FRAS1: variants seen among roughly 807,000 people sequenced by gnomAD.
FRAS1 encodes extracellular matrix organizing protein FRAS1.
A neutral mutation model predicts 435.2 loss-of-function variants in FRAS1; 290 were observed. The observed-to-expected ratio is 0.67, with a 90% confidence interval of 0.61 to 0.73. FRAS1 has a LOEUF of 0.73. Ranked by LOEUF, FRAS1 falls within the 30% of genes least tolerant of loss-of-function variation. The pLI is 0.00. For missense variants in FRAS1, 4,860 were observed against 5,001.5 expected, an observed-to-expected ratio of 0.97 and a Z score of 0.85; for synonymous variants, 1,800 against 1,851.0, an observed-to-expected ratio of 0.97 and a Z score of 0.71.
intron 49 of FRAS1, among the ~76,000 whole-genome samples, chr4:78,465,424 C>G (rs1235755991): frequency 6.6e-6 from 1 of 152,212 alleles, no homozygotes; most frequent in African/African-American, 2.4e-5. Context: ...GATAGATATG[C>G]TGCTTTAGAG....
At chr4:78,264,241 G>C (rs1726245668) in intron 6 of FRAS1, among the ~76,000 whole-genome samples, 1 of 152,182 alleles carries the variant, frequency 6.6e-6, no homozygotes, top group African/African-American at 2.4e-5. Context: ...ATTCTTCTTA[G>C]GGCAGCAGAG....
Position 78,534,626 on chromosome 4 carries a change from T to C in FRAS1, c.11092+11T>C, listed in dbSNP as rs1721824338. The C allele has an allele frequency of 1.2e-6, 2 of 1,610,894 alleles. No individual in the cohort carries two copies. The highest frequency in any genetic ancestry group is 4.5e-5 in the East Asian group (2 of 44,786). ...GAGCCTTTTCAAAAGGTGAGTTGCT[T>C]CCTCCACCTGCAGAAAGAGGCTCTG... On this transcript the variant is annotated intron_variant, in intron 71 of 73. Coordinates refer to ENST00000512123, the MANE Select transcript of FRAS1 (RefSeq NM_025074.7).
intron 3 of FRAS1, among the ~76,000 whole-genome samples, chr4:78,239,740 C>G (rs553517542): frequency 6.6e-6 from 1 of 152,242 alleles, no homozygotes; most frequent in East Asian, 1.9e-4. Flanking sequence ...GAGGGAACAG[C>G]AAAGTGCAAA....
At chr4:78,302,701 T>C (rs1264520066) in intron 14 of FRAS1, among the ~76,000 whole-genome samples, 4 of 137,052 alleles carry the variant, frequency 2.9e-5, no homozygotes, top group East Asian at 7.7e-4. Flanking sequence ...TTGATGGGGT[T>C]GTTTGTTTTT....
At chr4:78,505,425 C>A (rs536234496) in intron 61 of FRAS1, among the ~76,000 whole-genome samples, 7 of 152,116 alleles carry the variant, frequency 4.6e-5, no homozygotes, top group Non-Finnish European at 7.4e-5. Flanking sequence ...TTATTCATTT[C>A]TTTTTATTCT....
At chr4:78,507,359 A>C in intron 61 of FRAS1, 62 bp from the exon 62 acceptor site, 1 of 1,413,064 alleles carries the variant, frequency 7.1e-7, no homozygotes, top group Non-Finnish European at 9.6e-7. Context: ...GCCAAGCTGC[A>C]CTCTCTTGGG....
At chr4:78,277,037 A>G (rs10013117) in intron 9 of FRAS1, among the ~76,000 whole-genome samples, 146,304 of 152,172 alleles carry the variant, frequency 0.96, 70,577 homozygotes, top group East Asian at 1. Flanking sequence ...CCCCAGCCTC[A>G]CTGCCACCTT....
At chr4:78,125,048 T>C (rs921069389) in intron 2 of FRAS1, among the ~76,000 whole-genome samples, 1 of 152,218 alleles carries the variant, frequency 6.6e-6, no homozygotes, top group Non-Finnish European at 1.5e-5. Flanking sequence ...ATGTGTTTAC[T>C]CTTGCTTCTC....
intron 47 of FRAS1, among the ~76,000 whole-genome samples, chr4:78,461,305 C>G (rs1165342099): frequency 6.6e-6 from 1 of 152,008 alleles, no homozygotes; most frequent in Non-Finnish European, 1.5e-5. Context: ...GAGTGAAATC[C>G]AAGAGGTTTC....
intron 61 of FRAS1, among the ~76,000 whole-genome samples, chr4:78,501,331 A>G (rs1291601653): frequency 3.3e-5 from 5 of 152,164 alleles, no homozygotes; most frequent in South Asian, 2.1e-4. Flanking sequence ...ATTCCATGGT[A>G]TATATGTGCC....
chr4:78,447,639 G>C (rs1214319158), intron 43 of FRAS1, among the ~76,000 whole-genome samples: 1 of 152,064 alleles, frequency 6.6e-6, no homozygotes, highest in African/African-American at 2.4e-5. Context: ...TCTCTTAATT[G>C]AAAAGGAATT....
chr4:78,222,196 T>C (rs1724087607), intron 2 of FRAS1, among the ~76,000 whole-genome samples: 1 of 152,192 alleles, frequency 6.6e-6, no homozygotes, highest in South Asian at 2.1e-4. Flanking sequence ...GGAGGACTCC[T>C]GTGGAATCTA....
chr4:78,374,376 C>A (rs911786534), intron 25 of FRAS1, 125 bp downstream of exon 25: 8 of 918,782 alleles, frequency 8.7e-6, no homozygotes, highest in Non-Finnish European at 9.4e-6. Flanking sequence ...GAGGGCTTAG[C>A]CTAAGTAATT....
At chr4:78,221,508 G>T (rs1724048246) in intron 2 of FRAS1, among the ~76,000 whole-genome samples, 1 of 152,146 alleles carries the variant, frequency 6.6e-6, no homozygotes, top group South Asian at 2.1e-4. Context: ...ATGTTTATAA[G>T]ATCTAACTGT....
chr4:78,540,607 A>G lies in FRAS1; in HGVS notation c.11522A>G (p.Gln3841Arg), dbSNP rs755972484. ...GACACCATCTCAGGGCCCCGGGTCCAGCGCTCTCTCACAGCTCCACTCAGA... is the reference window on the plus strand; with the variant it reads ...GACACCATCTCAGGGCCCCGGGTCCGGCGCTCTCTCACAGCTCCACTCAGA... ...GPDTISGPRV[Q>R]RSLTAPLRRN... Residue 3841 changes from glutamine to arginine, a missense_variant, in exon 74 of 74, where the codon CAG becomes CGG. By Grantham distance (43) the Gln-to-Arg change is conservative. Transcript: ENST00000512123. 1 of 1,555,216 alleles carries G rather than the reference A, an allele frequency of 6.4e-7. No individual in the cohort carries two copies. The highest frequency in any genetic ancestry group is 8.7e-7 in the Non-Finnish European group (1 of 1,150,690).
Position 78,472,239 on chromosome 4 carries a change from G to A in FRAS1, c.7431G>A (p.Ala2477=), listed in dbSNP as rs750729569. ...LLTMDPDTED[A]QLVYEITTGP... is the part of the protein sequence containing the mutation. ...CCATGGACCCAGACACCGAGGACGC[G>A]CAGCTTGTCTATGAGATAACGACGG... The change falls in exon 52 of 74, where the codon GCG becomes GCA. Residue 2477 remains alanine, a synonymous_variant. Coordinates refer to ENST00000512123, the MANE Select transcript of FRAS1 (RefSeq NM_025074.7). 4.3e-5 allele frequency: 69 copies of A among 1,613,886 alleles called. No homozygotes were observed. The highest frequency in any genetic ancestry group is 3.6e-4 in the South Asian group (33 of 91,054).
At chr4:78,339,526 G>A (rs1730317908) in intron 20 of FRAS1, among the ~76,000 whole-genome samples, 1 of 152,192 alleles carries the variant, frequency 6.6e-6, no homozygotes, top group African/African-American at 2.4e-5. Flanking sequence ...TTATGCGGGG[G>A]GGTGGAACCC....
At chr4:78,131,353 T>A (rs1329414817) in intron 2 of FRAS1, among the ~76,000 whole-genome samples, 1 of 152,204 alleles carries the variant, frequency 6.6e-6, no homozygotes, top group African/African-American at 2.4e-5. Flanking sequence ...TCAGCACAGC[T>A]TTCCTTGAGA....
rs187365033 is a variant in FRAS1, at chr4:78,317,434, C to G, written c.1886C>G (p.Pro629Arg). The G allele has an allele frequency of 1.9e-4, 312 of 1,613,868 alleles. No individual in the cohort carries two copies. The highest frequency in any genetic ancestry group is 1.4e-3 in the East Asian group (64 of 44,882). Residue 629 changes from proline to arginine, a missense_variant, in exon 17 of 74, where the codon CCC becomes CGC. By Grantham distance (103) the Pro-to-Arg change is moderately radical. Coordinates refer to ENST00000512123, the MANE Select transcript of FRAS1 (RefSeq NM_025074.7). ...TPSHCTACSP[P>R]KALRQGHCLP... ...TCTCACTGTACAGCCTGCAGCCCCC[C>G]CAAGGCTCTGCGTCAAGGCCACTGT...
Sources: gnomAD v4.1 joint callset for allele counts (sites outside exome capture counted in the v4.1 genomes callset) on GRCh38, gnomAD v4.1.1 for gene constraint, MANE v1.5 for transcripts, NCBI Gene and HGNC (gene_info 2026-07-23, HGNC 2026-07-21) for gene names.